The following HOMER1 variants were observed in gnomAD, a reference collection of about 807,000 sequenced individuals.
HOMER1 encodes homer protein homolog 1.
HOMER1 carries 3 observed loss-of-function variants against 48.9 expected under a neutral mutation model. The ratio of observed to expected loss-of-function variants is 0.06; its 90% confidence interval spans 0.03 to 0.16. The LOEUF is 0.16. Ranked by LOEUF, HOMER1 falls within the 10% of genes least tolerant of loss-of-function variation. The pLI is 1.00. For missense variants in HOMER1, 247 were observed against 411.4 expected, an observed-to-expected ratio of 0.60 and a Z score of 3.46; for synonymous variants, 134 against 146.4, an observed-to-expected ratio of 0.92 and a Z score of 0.61.
At chr5:79,475,304 C>T (rs963027255) in intron 1 of HOMER1, among the ~76,000 whole-genome samples, 24 of 104,888 alleles carry the variant, frequency 2.3e-4, no homozygotes, top group African/African-American at 8.3e-4. Context: ...TTATCTTATA[C>T]TGAGTCACTG....
At chr5:79,479,108 A>G (rs1419050747) in intron 1 of HOMER1, among the ~76,000 whole-genome samples, 1 of 152,244 alleles carries the variant, frequency 6.6e-6, no homozygotes, top group Non-Finnish European at 1.5e-5. Flanking sequence ...AGGAGGAAAA[A>G]CAAACTTCAC....
At chr5:79,492,975 G>A (rs1238093366) in intron 1 of HOMER1, among the ~76,000 whole-genome samples, 2 of 140,296 alleles carry the variant, frequency 1.4e-5, no homozygotes, top group Admixed American at 7.6e-5. Context: ...CTGGAGTGCA[G>A]TGGCACGATC....
At chr5:79,501,601 G>A (rs1489647754) in intron 1 of HOMER1, among the ~76,000 whole-genome samples, 3 of 152,190 alleles carry the variant, frequency 2.0e-5, no homozygotes, top group Non-Finnish European at 4.4e-5. Context: ...TCACCTATAA[G>A]AAACTAAGTT....
At position 79,436,165 on chromosome 5, in the gene HOMER1, TA is replaced by T. The variant is rs1018927238; in HGVS notation, c.527+2844del. ...ATAAATAAATAAAAATAAATAAAAA[TA>T]AAAAAATAAATAAGATTTTAATTGT... On this transcript the variant is annotated intron_variant, in intron 5 of 8. Transcript: ENST00000334082. 8.3e-4 allele frequency among the ~76,000 whole-genome samples: 126 copies of T among 151,032 alleles called. 2 individuals carry two copies. Among genetic ancestry groups the T allele is most frequent in the African/African-American group, 3.0e-3 (123 of 41,252 alleles).
intron 8 of HOMER1, among the ~76,000 whole-genome samples, chr5:79,386,054 AT>A (rs550365886): frequency 1.0e-4 from 15 of 150,434 alleles, no homozygotes; most frequent in East Asian, 1.9e-4. Flanking sequence ...ACTATTTGAG[AT>A]TTTTTTTTTA....
intron 1 of HOMER1, among the ~76,000 whole-genome samples, chr5:79,492,211 T>C (rs1024535515): frequency 6.6e-6 from 1 of 152,188 alleles, no homozygotes; most frequent in African/African-American, 2.4e-5. Context: ...CTTAATTTAG[T>C]TAAATGCATT....
At chr5:79,469,438 C>T (rs1184066362) in intron 1 of HOMER1, among the ~76,000 whole-genome samples, 4 of 152,160 alleles carry the variant, frequency 2.6e-5, no homozygotes, top group Admixed American at 6.5e-5. Context: ...CTCTAACTTT[C>T]ATTTGATCAA....
chr5:79,418,314 G>A (rs73769657), intron 5 of HOMER1, among the ~76,000 whole-genome samples: 22 of 152,256 alleles, frequency 1.4e-4, no homozygotes, highest in African/African-American at 4.3e-4. Flanking sequence ...TATCAAAAGA[G>A]GCTTTTTTTG....
At chr5:79,434,468 C>T (rs572962151) in intron 5 of HOMER1, among the ~76,000 whole-genome samples, 1 of 152,156 alleles carries the variant, frequency 6.6e-6, no homozygotes, top group African/African-American at 2.4e-5. Context: ...TATATAGCTA[C>T]TTTACTTGAT....
intron 1 of HOMER1, chr5:79,510,723 C>A: frequency 1.3e-6 from 1 of 785,474 alleles, no homozygotes; most frequent in Non-Finnish European, 2.3e-6. Context: ...AACTTGCCTA[C>A]ACTGTCCACC....
intron 1 of HOMER1, among the ~76,000 whole-genome samples, chr5:79,493,304 T>C (rs1264513796): frequency 6.6e-6 from 1 of 152,174 alleles, no homozygotes; most frequent in Non-Finnish European, 1.5e-5. Flanking sequence ...CCAGAATGTG[T>C]GGCTTCTAAT....
intron 5 of HOMER1, among the ~76,000 whole-genome samples, chr5:79,428,247 T>C (rs534758285): frequency 1.6e-4 from 25 of 152,154 alleles, no homozygotes; most frequent in East Asian, 1.9e-4. Context: ...CAAACATTAA[T>C]AGAAAAAAAC....
At chr5:79,487,430 A>G (rs1431598432) in intron 1 of HOMER1, among the ~76,000 whole-genome samples, 3 of 152,238 alleles carry the variant, frequency 2.0e-5, no homozygotes, top group Non-Finnish European at 4.4e-5. Context: ...GGCAAGAAGC[A>G]TACCACACCA....
chr5:79,450,290 T>C (rs887061832), intron 3 of HOMER1, among the ~76,000 whole-genome samples: 1 of 152,238 alleles, frequency 6.6e-6, no homozygotes, highest in Non-Finnish European at 1.5e-5. Flanking sequence ...TCACTTAGTA[T>C]ACTGAGATTG....
chr5:79,483,919 T>C (rs1752020169), intron 1 of HOMER1, among the ~76,000 whole-genome samples: 1 of 151,026 alleles, frequency 6.6e-6, no homozygotes, highest in African/African-American at 2.4e-5. Flanking sequence ...CCGGGTGTGG[T>C]GGTGGGTGCA....
intron 1 of HOMER1, among the ~76,000 whole-genome samples, chr5:79,503,311 T>A (rs887628470): frequency 6.6e-6 from 1 of 151,784 alleles, no homozygotes; most frequent in African/African-American, 2.4e-5. Context: ...GGCAGGCAGA[T>A]CACTTGAGGT....
intron 1 of HOMER1, chr5:79,510,680 C>G (rs1188734671): frequency 2.2e-6 from 2 of 914,840 alleles, no homozygotes; most frequent in Non-Finnish European, 3.6e-6. Flanking sequence ...GGAGGTTAAG[C>G]CCAAGATCCC....
intron 1 of HOMER1, among the ~76,000 whole-genome samples, chr5:79,467,925 C>T (rs569039104): frequency 7.9e-5 from 12 of 152,200 alleles, no homozygotes; most frequent in Non-Finnish European, 1.2e-4. Context: ...TACAGATGAG[C>T]GTGCACCACC....
chr5:79,444,208 C>T (rs1439285393), intron 4 of HOMER1, among the ~76,000 whole-genome samples: 2 of 152,106 alleles, frequency 1.3e-5, no homozygotes, highest in Admixed American at 1.3e-4. Context: ...AATGGTCATA[C>T]AATTCAAACT....
Sources: allele counts gnomAD v4.1 joint callset (sites outside exome capture counted in the v4.1 genomes callset), GRCh38; gene constraint gnomAD v4.1.1; transcripts MANE v1.5; gene names NCBI Gene and HGNC (gene_info 2026-07-23, HGNC 2026-07-21).